The following AATF variants were observed in gnomAD, a reference collection of about 807,000 sequenced individuals.
AATF encodes the protein protein AATF.
A neutral mutation model predicts 63.7 loss-of-function variants in AATF; 48 were observed. The observed-to-expected ratio is 0.75, with a 90% CI of 0.60 to 0.96. The LOEUF (loss-of-function observed/expected upper bound fraction) is 0.96, where lower values mean the gene tolerates loss of function less well. Among genes scored for constraint, AATF ranks in the 40% least tolerant of loss-of-function variants. AATF has a pLI of 0.00. For missense variants in AATF, 639 were observed against 685.7 expected (o/e 0.93, Z 0.76); for synonymous variants, 258 against 247.7 (o/e 1.04, Z -0.39).
chr17:36,989,762 T>G (rs1041098379), intron 7 of AATF, among the ~76,000 whole-genome samples: 2 of 152,166 alleles, frequency 1.3e-5, no homozygotes, highest in Non-Finnish European at 2.9e-5. Context: ...CGTTTGCCAT[T>G]TAGGTACTTT....
chr17:37,010,538 G>A (rs1438517680), intron 8 of AATF, among the ~76,000 whole-genome samples: 1 of 152,172 alleles, frequency 6.6e-6, no homozygotes, highest in Non-Finnish European at 1.5e-5. Context: ...GGATGGAGTG[G>A]TGATTGTGTT....
intron 10 of AATF, among the ~76,000 whole-genome samples, chr17:37,027,502 T>G (rs866826563): frequency 1.2e-4 from 18 of 152,208 alleles, no homozygotes; most frequent in Middle Eastern, 3.4e-3. Context: ...TATATTGTAT[T>G]AAATGTAAAG....
intron 10 of AATF, 33 bp downstream of exon 10, chr17:37,021,047 T>A (rs1443697606): frequency 6.6e-7 from 1 of 1,515,386 alleles, no homozygotes; most frequent in South Asian, 1.2e-5. Flanking sequence ...TGTCAACATA[T>A]ATTGTATATG....
At chr17:37,004,082 C>T (rs1486705184) in intron 8 of AATF, among the ~76,000 whole-genome samples, 1 of 151,592 alleles carries the variant, frequency 6.6e-6, no homozygotes, top group Non-Finnish European at 1.5e-5. Flanking sequence ...GTAATCCTAG[C>T]ACTTTGGGAG....
chr17:36,982,217 G>A (rs1465639649), intron 4 of AATF, among the ~76,000 whole-genome samples: 1 of 134,420 alleles, frequency 7.4e-6, no homozygotes, highest in Admixed American at 7.3e-5. Context: ...GCTTTTTCCT[G>A]TTTGTTTTTT....
chr17:36,970,579 T>C (rs1185978940), intron 4 of AATF, among the ~76,000 whole-genome samples: 1 of 151,298 alleles, frequency 6.6e-6, no homozygotes, highest in Non-Finnish European at 1.5e-5. Context: ...GTCTTCCTCT[T>C]TTGTGGAGGC....
intron 8 of AATF, among the ~76,000 whole-genome samples, chr17:37,011,679 A>C (rs2071392205): frequency 6.6e-6 from 1 of 152,182 alleles, no homozygotes; most frequent in East Asian, 1.9e-4. Context: ...GTAAAGACAG[A>C]GAGATGCCTC....
At chr17:36,970,660 C>T (rs997637125) in intron 4 of AATF, among the ~76,000 whole-genome samples, 2 of 151,840 alleles carry the variant, frequency 1.3e-5, no homozygotes, top group African/African-American at 4.8e-5. Context: ...CCACCCTAAC[C>T]TCCTGAGTAG....
rs567900536 is a variant in AATF, at chr17:36,982,239, T to G, written c.833-4378T>G. ...CCTGTTTGTTTTTTGTTTTGTTTTT[T>G]TTTTTTTTTTGAGTAGGCTCAGTTT... is the stretch of plus-strand genomic sequence containing the variant. On this transcript the variant is annotated intron_variant, in intron 4 of 11. Coordinates refer to ENST00000619387, the MANE Select transcript of AATF (RefSeq NM_012138.4). 7.6e-3 allele frequency among the ~76,000 whole-genome samples: 1,157 copies of G among 151,594 alleles called. 13 individuals are homozygous for G. Among genetic ancestry groups the G allele is most frequent in the African/African-American group, 0.024 (984 of 41,426 alleles).
In AATF at chr17:37,056,870, C is replaced by A; in HGVS notation, c.*206C>A. The A allele has an allele frequency of 1.7e-6, 1 of 586,290 alleles. No homozygotes were observed. The highest frequency in any genetic ancestry group is 2.1e-5 in the South Asian group (1 of 47,724). 36.3% of individuals were successfully genotyped at this position (586,290 alleles called of 1,614,324 possible). A position where few individuals can be genotyped will look rare whatever the true frequency, so the allele number is the denominator to read the frequency against. ...CACAAATAAAGAGCATTGTTACCGC[C>A]ACCACCGCTTGTGATTTCTTAAGAG... is the stretch of plus-strand genomic sequence containing the variant. On this transcript the variant is annotated 3_prime_UTR_variant, in exon 12 of 12. Coordinates refer to ENST00000619387, the MANE Select transcript of AATF (RefSeq NM_012138.4).
chr17:37,052,978 G>A (rs2071765832), intron 11 of AATF, among the ~76,000 whole-genome samples: 1 of 152,200 alleles, frequency 6.6e-6, no homozygotes. Context: ...ACGAGTCACT[G>A]TGCGATTTTT....
At chr17:37,041,829 T>G (rs1187104910) in intron 11 of AATF, among the ~76,000 whole-genome samples, 1 of 152,188 alleles carries the variant, frequency 6.6e-6, no homozygotes, top group Non-Finnish European at 1.5e-5. Flanking sequence ...TTAAAAAATA[T>G]TTCCTATTTA....
chr17:37,044,603 T>G (rs1006399600), intron 11 of AATF, among the ~76,000 whole-genome samples: 1 of 152,242 alleles, frequency 6.6e-6, no homozygotes, highest in Non-Finnish European at 1.5e-5. Context: ...TTTTCTGTGC[T>G]ATTTAAACCA....
chr17:37,033,231 G>GT (rs1331493158), intron 11 of AATF, among the ~76,000 whole-genome samples: 4 of 152,162 alleles, frequency 2.6e-5, no homozygotes, highest in African/African-American at 9.7e-5. Context: ...TATGGCCATG[G>GT]TTTTTTGTTC....
At chr17:37,048,807 A>C (rs1161755066) in intron 11 of AATF, among the ~76,000 whole-genome samples, 2 of 152,168 alleles carry the variant, frequency 1.3e-5, no homozygotes, top group Non-Finnish European at 2.9e-5. Flanking sequence ...TTCTCCTTTT[A>C]GGTCATAGAG....
intron 11 of AATF, among the ~76,000 whole-genome samples, chr17:37,038,624 C>T (rs1466421800): frequency 1.3e-5 from 2 of 152,090 alleles, no homozygotes; most frequent in African/African-American, 2.4e-5. Flanking sequence ...AGATTTCCCC[C>T]CCTTATTCCA....
intron 11 of AATF, among the ~76,000 whole-genome samples, chr17:37,044,283 A>G (rs371688542): frequency 5.9e-5 from 9 of 152,180 alleles, no homozygotes; most frequent in African/African-American, 9.7e-5. Flanking sequence ...AATTATTCAT[A>G]GGTTAGGTCT....
intron 4 of AATF, among the ~76,000 whole-genome samples, chr17:36,960,778 GGCTT>G (rs1356951741): frequency 5.9e-5 from 9 of 152,180 alleles, no homozygotes; most frequent in African/African-American, 2.2e-4. Flanking sequence ...ACATTGTGTA[GGCTT>G]AAGGACCCTT....
At chr17:37,031,577 A>G in intron 10 of AATF, 37 bp from the exon 11 acceptor site, 1 of 1,528,274 alleles carries the variant, frequency 6.5e-7, no homozygotes, top group East Asian at 2.2e-5. Context: ...GTTAATAGTT[A>G]CTAATGTTGC....
Sources: gnomAD v4.1 joint callset for allele counts (sites outside exome capture counted in the v4.1 genomes callset) on GRCh38, gnomAD v4.1.1 for gene constraint, MANE v1.5 for transcripts, NCBI Gene and HGNC (gene_info 2026-07-23, HGNC 2026-07-21) for gene names.